Variants in BIRC6 observed in about 807,000 individuals in gnomAD.
The protein encoded by BIRC6 is baculoviral IAP repeat containing 6, also known as dual E2 ubiquitin-conjugating enzyme/E3 ubiquitin-protein ligase BIRC6.
Under a neutral mutation model 503.3 loss-of-function variants are expected in BIRC6, and 98 were observed. The ratio of observed to expected loss-of-function variants is 0.19; its 90% CI spans 0.17 to 0.23. BIRC6 has a LOEUF of 0.23. Ranked by LOEUF, BIRC6 falls within the 10% of genes least tolerant of loss-of-function variation. The pLI, the probability that BIRC6 is intolerant of heterozygous loss-of-function variation, is 1.00. For synonymous variants in BIRC6, 2,240 were observed against 2,078.7 expected, an observed-to-expected ratio of 1.08 and a Z score of -2.11; for missense variants, 5,360 against 5,806.0, an observed-to-expected ratio of 0.92 and a Z score of 2.50.
intron 65 of BIRC6, among the ~76,000 whole-genome samples, chr2:32,555,876 A>G (rs1007436473): frequency 2.0e-5 from 3 of 146,898 alleles, no homozygotes; most frequent in Non-Finnish European, 4.5e-5. Context: ...TGATCATACC[A>G]CTACACTCCA....
intron 48 of BIRC6, 63 bp from the exon 49 acceptor site, chr2:32,502,979 T>A (rs1016201440): frequency 1.3e-6 from 2 of 1,516,790 alleles, no homozygotes; most frequent in Non-Finnish European, 1.8e-6. Flanking sequence ...TGTGGAAGTT[T>A]ACTTTTGATG....
chr2:32,503,243 A>G lies in BIRC6; in HGVS notation c.9499+7A>G. 6.3e-7 allele frequency: 1 copy of G among 1,589,656 alleles called. No individual in the cohort carries two copies. Among genetic ancestry groups the G allele is most frequent in the Non-Finnish European group, 8.5e-7 (1 of 1,169,928 alleles). On this transcript the variant is annotated splice_region_variant and intron_variant, in intron 49 of 73. Coordinates refer to ENST00000421745, the MANE Select transcript of BIRC6 (RefSeq NM_016252.4). ...CATAACTTTGCACCCCTCGGTAAGA[A>G]AAGTGTTACTAAATCTTACTTATGT...
chr2:32,507,900 C>A, intron 50 of BIRC6, 80 bp from the exon 51 acceptor site: 1 of 1,319,070 alleles, frequency 7.6e-7, no homozygotes, highest in Non-Finnish European at 1.0e-6. Context: ...GTGAAAGCTG[C>A]TATTTTACTG....
chr2:32,527,976 A>G (rs1353049213), intron 59 of BIRC6: 1 of 152,218 alleles, frequency 6.6e-6, no homozygotes, highest in Non-Finnish European at 1.5e-5. Flanking sequence ...AAACCATGTC[A>G]GTTTTTAAAA....
Position 32,594,055 on chromosome 2 carries a change from ATC to A in BIRC6, c.13497_13498del (p.Asn4499LysfsTer7). On this transcript the variant is annotated frameshift_variant, in exon 67 of 74. Coordinates refer to ENST00000421745, the MANE Select transcript of BIRC6 (RefSeq NM_016252.4). LOFTEE classifies it high-confidence loss of function. ...GCCACCACCAGTTTGCGGCAAGCAA[ATC>A]AGGGTACAAAACTTTTCCTATTATG... 6.2e-7 allele frequency: 1 copy of A among 1,609,264 alleles called. No individual in the cohort carries two copies. Among genetic ancestry groups the A allele is most frequent in the Non-Finnish European group, 8.5e-7 (1 of 1,178,142 alleles).
At chr2:32,597,514 G>A (rs1198979949) in intron 68 of BIRC6, among the ~76,000 whole-genome samples, 1 of 152,130 alleles carries the variant, frequency 6.6e-6, no homozygotes, top group Non-Finnish European at 1.5e-5. Flanking sequence ...TTTTATAAAA[G>A]TTAAAGAAAA....
Position 32,482,415 on chromosome 2 carries a change from T to C in BIRC6, c.7543-14T>C, listed in dbSNP as rs760434450. 8 of 1,605,288 alleles carry C rather than the reference T, an allele frequency of 5.0e-6. No homozygotes were observed. The African/African-American group carries it at 6.7e-5, about 13-fold the overall frequency. On this transcript the variant is annotated splice_polypyrimidine_tract_variant and intron_variant, in intron 38 of 73. Transcript: ENST00000421745. Reference sequence around the variant, plus strand: ...GGCAAAAATAAACCACAGTTTTTTTTCCATTCTTTTAAGCCAATAAGCAGT... The same window carrying C: ...GGCAAAAATAAACCACAGTTTTTTTCCCATTCTTTTAAGCCAATAAGCAGT...
intron 46 of BIRC6, among the ~76,000 whole-genome samples, chr2:32,501,415 C>T (rs771942785): frequency 7.9e-5 from 12 of 152,108 alleles, no homozygotes; most frequent in Non-Finnish European, 1.2e-4. Context: ...AGCCATAAAC[C>T]GTGCTCTACT....
At chr2:32,360,058 G>T (rs941534667) in intron 1 of BIRC6, among the ~76,000 whole-genome samples, 1 of 152,162 alleles carries the variant, frequency 6.6e-6, no homozygotes, top group Non-Finnish European at 1.5e-5. Context: ...TGCCAGTAGC[G>T]ATCATGGTCC....
chr2:32,549,759 G>C (rs539770677), intron 65 of BIRC6, among the ~76,000 whole-genome samples: 1 of 152,140 alleles, frequency 6.6e-6, no homozygotes, highest in Non-Finnish European at 1.5e-5. Flanking sequence ...GAAAATGATA[G>C]GACAAAGGCT....
intron 65 of BIRC6, among the ~76,000 whole-genome samples, chr2:32,559,672 A>G (rs1483723135): frequency 6.6e-6 from 1 of 151,352 alleles, no homozygotes; most frequent in Non-Finnish European, 1.5e-5. Flanking sequence ...TCAGCTCTAC[A>G]TTAGTTTTCC....
chr2:32,566,092 A>G (rs2059514984), intron 65 of BIRC6: 1 of 152,072 alleles, frequency 6.6e-6, no homozygotes, highest in Non-Finnish European at 1.5e-5. Context: ...ATTAACATTT[A>G]TGGGTTATGT....
chr2:32,398,084 AG>A (rs2040171503), intron 6 of BIRC6, among the ~76,000 whole-genome samples: 1 of 152,164 alleles, frequency 6.6e-6, no homozygotes, highest in African/African-American at 2.4e-5. Context: ...AAAATTTGAA[AG>A]GGCGAATGGG....
intron 22 of BIRC6, among the ~76,000 whole-genome samples, chr2:32,453,011 A>C (rs528975831): frequency 1.3e-5 from 2 of 151,224 alleles, no homozygotes; most frequent in Non-Finnish European, 3.0e-5. Flanking sequence ...CATTCTTTTC[A>C]TCTGTGAATT....
intron 1 of BIRC6, among the ~76,000 whole-genome samples, chr2:32,377,329 T>A (rs1198005355): frequency 6.6e-6 from 1 of 151,918 alleles, no homozygotes; most frequent in Non-Finnish European, 1.5e-5. Context: ...GCTGTGTTTA[T>A]TTCTCAGAAC....
In BIRC6 at chr2:32,461,077, C is replaced by T. The variant is rs1436263621; in HGVS notation, c.4754-2117C>T. Reference sequence around the variant, plus strand: ...CTTCTCTTCTCTTCTGTTCTCCTCTCCTCTCCTCTCCTCTCCTCTCCTCTC... The same window carrying T: ...CTTCTCTTCTCTTCTGTTCTCCTCTTCTCTCCTCTCCTCTCCTCTCCTCTC... On this transcript the variant is annotated intron_variant, in intron 23 of 73. Transcript: ENST00000421745. 4.9e-3 allele frequency among the ~76,000 whole-genome samples: 23 copies of T among 4,720 alleles called. 2 individuals are homozygous for T. The highest frequency in any genetic ancestry group is 9.7e-3 in the African/African-American group (12 of 1,240). The allele number at this position is 4,720 out of a possible 152,430, so 3.1% of individuals were successfully genotyped here.
rs1447547299 is a variant in BIRC6, at chr2:32,531,567, C to T, written c.12291+16C>T. On this transcript the variant is annotated intron_variant, in intron 61 of 73. Coordinates refer to ENST00000421745, the MANE Select transcript of BIRC6 (RefSeq NM_016252.4). The stretch of plus-strand genomic sequence containing the variant: ...AATTCAACAGGTAAGATAAGATTTC[C>T]TAATCGAGTATATCATTCCATAGCT... 3 of 1,587,570 alleles carry T rather than the reference C, an allele frequency of 1.9e-6. No individual in the cohort carries two copies. The highest frequency in any genetic ancestry group is 1.3e-5 in the African/African-American group (1 of 74,518).
At chr2:32,487,526 C>T (rs2051140788) in intron 40 of BIRC6, 121 bp from the exon 41 acceptor site, 1 of 786,012 alleles carries the variant, frequency 1.3e-6, no homozygotes, top group Admixed American at 3.0e-5. Flanking sequence ...TGTTTTGAAC[C>T]ATTCTAAAGA....
chr2:32,566,980 G>A (rs1202595771), intron 65 of BIRC6, among the ~76,000 whole-genome samples: 1 of 151,742 alleles, frequency 6.6e-6, no homozygotes, highest in Non-Finnish European at 1.5e-5. Context: ...TTCTTTTTTT[G>A]TTTGTTTGTT....
Sources: gnomAD v4.1 joint callset for allele counts (sites outside exome capture counted in the v4.1 genomes callset) on GRCh38, gnomAD v4.1.1 for gene constraint, MANE v1.5 for transcripts, NCBI Gene and HGNC (gene_info 2026-07-23, HGNC 2026-07-21) for gene names.